RSPO2: variants seen among roughly 807,000 people sequenced by gnomAD.
RSPO2 encodes the protein R-spondin 2.
In RSPO2, 14 loss-of-function variants were observed where a neutral mutation model predicts 30.9. The observed-to-expected ratio is 0.45, with a 90% CI of 0.30 to 0.71. The LOEUF (loss-of-function observed/expected upper bound fraction) is 0.71, where lower values mean the gene tolerates loss of function less well. Ranked by LOEUF, RSPO2 falls within the 30% of genes least tolerant of loss-of-function variation. The pLI, the probability that RSPO2 is intolerant of heterozygous loss-of-function variation, is 0.08. For synonymous variants in RSPO2, 107 were observed against 96.4 expected, an observed-to-expected ratio of 1.11 and a Z score of -0.64; for missense variants, 264 against 301.9, an observed-to-expected ratio of 0.87 and a Z score of 0.93.
At chr8:107,953,329 C>T (rs1365109851) in intron 5 of RSPO2, among the ~76,000 whole-genome samples, 2 of 152,116 alleles carry the variant, frequency 1.3e-5, no homozygotes, top group Admixed American at 1.3e-4. Context: ...CTTGAAGCCA[C>T]ATTTCCCCCC....
At chr8:108,030,396 G>A (rs1302827198) in intron 2 of RSPO2, among the ~76,000 whole-genome samples, 1 of 152,172 alleles carries the variant, frequency 6.6e-6, no homozygotes, top group African/African-American at 2.4e-5. Flanking sequence ...GGTCTTGCCT[G>A]CCTGGTATCT....
chr8:108,068,930 A>G (rs1367030838), intron 2 of RSPO2, among the ~76,000 whole-genome samples: 1 of 152,212 alleles, frequency 6.6e-6, no homozygotes, highest in Non-Finnish European at 1.5e-5. Context: ...TCCAGTTTGT[A>G]GTACTTTGTC....
At chr8:108,016,164 C>A (rs1311977892) in intron 2 of RSPO2, among the ~76,000 whole-genome samples, 4 of 152,170 alleles carry the variant, frequency 2.6e-5, no homozygotes, top group Non-Finnish European at 5.9e-5. Flanking sequence ...AACTGCAAAG[C>A]AGAATAAAGA....
chr8:107,901,821 C>T (rs1427727331), intron 5 of RSPO2, among the ~76,000 whole-genome samples: 1 of 152,184 alleles, frequency 6.6e-6, no homozygotes, highest in Non-Finnish European at 1.5e-5. Context: ...AAGAAGAATG[C>T]TTATTTGTTT....
chr8:107,920,132 A>G (rs953498050), intron 5 of RSPO2, among the ~76,000 whole-genome samples: 13 of 152,310 alleles, frequency 8.5e-5, no homozygotes, highest in South Asian at 2.1e-4. Flanking sequence ...AAGAGAAAGA[A>G]GGAGGGAAGA....
At chr8:107,991,157 G>A (rs1240671080) in intron 2 of RSPO2, among the ~76,000 whole-genome samples, 1 of 151,198 alleles carries the variant, frequency 6.6e-6, no homozygotes, top group African/African-American at 2.5e-5. Flanking sequence ...TAAGCCAGGA[G>A]AACTGCCTGA....
In RSPO2 at chr8:108,065,729, A is replaced by G. The variant is rs115890795; in HGVS notation, c.94+16816T>C. 5.4e-3 allele frequency among the ~76,000 whole-genome samples: 817 copies of G among 151,520 alleles called. 9 individuals are homozygous for G. The highest frequency in any genetic ancestry group is 0.019 in the African/African-American group (769 of 41,336). ...CATGTAATCTCTAGGCCCCTTCTTTATATGTTAAGTTAAAGACTGCACAGC... is the reference window on the plus strand; with the variant it reads ...CATGTAATCTCTAGGCCCCTTCTTTGTATGTTAAGTTAAAGACTGCACAGC... On this transcript the variant is annotated intron_variant, in intron 2 of 5. Transcript: ENST00000276659.
intron 5 of RSPO2, among the ~76,000 whole-genome samples, chr8:107,912,229 A>T (rs1412785810): frequency 6.6e-6 from 1 of 152,198 alleles, no homozygotes; most frequent in Non-Finnish European, 1.5e-5. Context: ...CAGGGAACTT[A>T]AAAAAGATTC....
intron 2 of RSPO2, among the ~76,000 whole-genome samples, chr8:108,056,623 C>CAAAAAAA (rs56256415): frequency 7.4e-4 from 53 of 71,718 alleles, no homozygotes; most frequent in Non-Finnish European, 1.1e-3. Context: ...AGACCCGTCT[C>CAAAAAAA]AAAAAAAAAA....
chr8:108,052,671 G>A (rs1001828512), intron 2 of RSPO2, among the ~76,000 whole-genome samples: 34 of 152,000 alleles, frequency 2.2e-4, no homozygotes, highest in African/African-American at 8.2e-4. Flanking sequence ...CCAAGGGCTC[G>A]GCACACACCA....
chr8:108,037,897 G>A (rs963466440), intron 2 of RSPO2, among the ~76,000 whole-genome samples: 4 of 152,114 alleles, frequency 2.6e-5, no homozygotes, highest in African/African-American at 9.7e-5. Context: ...ATGCACCTGG[G>A]TCAACCAAGA....
chr8:107,999,023 A>G (rs1815130699), intron 2 of RSPO2, among the ~76,000 whole-genome samples: 1 of 152,150 alleles, frequency 6.6e-6, no homozygotes, highest in Non-Finnish European at 1.5e-5. Flanking sequence ...TCCAGTCAGT[A>G]AGACTCCATC....
intron 5 of RSPO2, among the ~76,000 whole-genome samples, chr8:107,911,039 G>C (rs777013832): frequency 6.6e-6 from 1 of 152,140 alleles, no homozygotes; most frequent in African/African-American, 2.4e-5. Context: ...TCTAAACACT[G>C]AAAGTGGTCA....
intron 5 of RSPO2, among the ~76,000 whole-genome samples, chr8:107,957,574 G>A (rs938178444): frequency 2.0e-5 from 3 of 152,224 alleles, no homozygotes; most frequent in African/African-American, 7.2e-5. Flanking sequence ...AAAGAGAAAC[G>A]GCTAATTGTG....
intron 2 of RSPO2, among the ~76,000 whole-genome samples, chr8:108,004,669 A>G (rs1043634975): frequency 1.3e-5 from 2 of 152,194 alleles, no homozygotes; most frequent in Non-Finnish European, 2.9e-5. Flanking sequence ...GCAAAACTAT[A>G]TGTGTATGTA....
intron 2 of RSPO2, among the ~76,000 whole-genome samples, chr8:108,079,195 A>C (rs1281719206): frequency 1.3e-5 from 2 of 152,174 alleles, no homozygotes; most frequent in African/African-American, 4.8e-5. Context: ...GAGAAAAATA[A>C]GAGTTATTAA....
intron 2 of RSPO2, among the ~76,000 whole-genome samples, chr8:108,057,815 T>TAC (rs10627029): frequency 0.22 from 33,956 of 152,070 alleles, 3,929 homozygotes; most frequent in East Asian, 0.42. Context: ...TTAAGAGTAC[T>TAC]ACATTGATTT....
At chr8:107,908,607 A>C (rs928458356) in intron 5 of RSPO2, among the ~76,000 whole-genome samples, 3 of 152,180 alleles carry the variant, frequency 2.0e-5, no homozygotes, top group Non-Finnish European at 4.4e-5. Context: ...TTGGGGCTCT[A>C]ATTTCTTAAA....
chr8:107,990,732 G>T (rs1814816205), intron 2 of RSPO2, among the ~76,000 whole-genome samples: 1 of 151,956 alleles, frequency 6.6e-6, no homozygotes, highest in Non-Finnish European at 1.5e-5. Context: ...CCAAAAAAAA[G>T]CCCAAATAGC....
Sources: gnomAD v4.1 joint callset for allele counts (sites outside exome capture counted in the v4.1 genomes callset) on GRCh38, gnomAD v4.1.1 for gene constraint, MANE v1.5 for transcripts, NCBI Gene and HGNC (gene_info 2026-07-23, HGNC 2026-07-21) for gene names.